FERMT1: variants seen among roughly 807,000 people sequenced by gnomAD.
FERMT1 encodes FERM domain containing kindlin 1.
FERMT1 carries 60 observed loss-of-function variants against 85.3 expected under a neutral mutation model. That is an observed-to-expected ratio of 0.70 (90% confidence interval 0.57 to 0.87). The LOEUF is 0.87. Among genes scored for constraint, FERMT1 ranks in the 40% least tolerant of loss-of-function variants. The pLI is 0.00. For synonymous variants in FERMT1, 275 were observed against 301.1 expected (o/e 0.91, Z 0.90); for missense variants, 701 against 818.9 (o/e 0.86, Z 1.76).
At chr20:6,079,631 T>C in intron 13 of FERMT1, 54 bp from the exon 14 acceptor site, 2 of 1,501,706 alleles carry the variant, frequency 1.3e-6, no homozygotes, top group Non-Finnish European at 1.9e-6. Flanking sequence ...TATAATACAA[T>C]GTTCACTCAC....
Position 6,084,027 on chromosome 20 carries a change from A to G in FERMT1, c.1718+13T>C, listed in dbSNP as rs1303801891. The G allele has an allele frequency of 6.2e-7, 1 of 1,614,158 alleles. No homozygotes were observed. Among genetic ancestry groups the G allele is most frequent in the Middle Eastern group, 1.6e-4 (1 of 6,062 alleles). ...AATGGAAAGTGTGAGAAACAAGTGAACATTGTAATCACCTGACAAGGTAGT... is the reference window on the plus strand; with the variant it reads ...AATGGAAAGTGTGAGAAACAAGTGAGCATTGTAATCACCTGACAAGGTAGT... On this transcript the variant is annotated intron_variant, in intron 13 of 14. Coordinates refer to ENST00000217289, the MANE Select transcript of FERMT1 (RefSeq NM_017671.5).
At chr20:6,100,593 G>A (rs954406483) in intron 6 of FERMT1, among the ~76,000 whole-genome samples, 1 of 152,260 alleles carries the variant, frequency 6.6e-6, no homozygotes, top group South Asian at 2.1e-4. Context: ...ACAGGTAAAT[G>A]TATGGCATGT....
intron 8 of FERMT1, among the ~76,000 whole-genome samples, 164 bp from the exon 9 acceptor site, chr20:6,095,152 G>A (rs993003129): frequency 5.3e-5 from 8 of 152,174 alleles, no homozygotes; most frequent in Non-Finnish European, 1.2e-4. Context: ...GTTTACACTC[G>A]CTACATTTCT....
chr20:6,108,470 G>A (rs1462253541), intron 5 of FERMT1, among the ~76,000 whole-genome samples: 1 of 152,012 alleles, frequency 6.6e-6, no homozygotes, highest in East Asian at 1.9e-4. Context: ...TCTCAGCTTT[G>A]TAGACAAAGA....
Position 6,119,720 on chromosome 20 carries a change from T to C in FERMT1, c.-18-148A>G, listed in dbSNP as rs2273421. 53,207 of 644,222 alleles carry C rather than the reference T, an allele frequency of 0.083. 5,922 individuals carry two copies. Among genetic ancestry groups the C allele is most frequent in the East Asian group, 0.48 (17,441 of 35,986 alleles). 39.9% of individuals were successfully genotyped at this position (644,222 alleles called of 1,614,324 possible). A position where few individuals can be genotyped will look rare whatever the true frequency, so the allele number is the denominator to read the frequency against. The stretch of plus-strand genomic sequence containing the variant: ...TCTGCAAGGTTCCAGGTGCTCCAGA[T>C]ATCAAATTTGGCATCTTAACTTTGA... On this transcript the variant is annotated intron_variant, in intron 1 of 14. Transcript: ENST00000217289.
At chr20:6,083,701 AAAAAC>A (rs1470151817) in intron 13 of FERMT1, among the ~76,000 whole-genome samples, 15 of 149,968 alleles carry the variant, frequency 1.0e-4, no homozygotes, top group Non-Finnish European at 2.1e-4. Context: ...CTTAAAAAAA[AAAAAC>A]AAAAAAAAAA....
At chr20:6,077,959 C>T (rs542383889) in intron 14 of FERMT1, among the ~76,000 whole-genome samples, 35 of 152,070 alleles carry the variant, frequency 2.3e-4, no homozygotes, top group African/African-American at 8.2e-4. Flanking sequence ...GGATTATAGG[C>T]GTGAGCCACT....
At chr20:6,088,913 C>T (rs1016919683) in intron 10 of FERMT1, 52 bp downstream of exon 10, 43 of 1,581,564 alleles carry the variant, frequency 2.7e-5, no homozygotes, top group South Asian at 1.2e-4. Flanking sequence ...TTTGAGCCAC[C>T]GCGTCTGCCC....
chr20:6,088,449 G>A (rs922575536), intron 10 of FERMT1, among the ~76,000 whole-genome samples: 3 of 152,118 alleles, frequency 2.0e-5, no homozygotes, highest in Non-Finnish European at 4.4e-5. Flanking sequence ...TGAGAAAGAT[G>A]GAACAGCAGA....
rs1016446757 is a variant in FERMT1, at chr20:6,087,950, A to G, written c.1265-67T>C. On this transcript the variant is annotated intron_variant, in intron 10 of 14. Transcript: ENST00000217289. Reference sequence around the variant, plus strand: ...TCTGTTAGATAAACATCAGGTGTGTATCTGAAATAAAGACTTTGAATACAA... The same window carrying G: ...TCTGTTAGATAAACATCAGGTGTGTGTCTGAAATAAAGACTTTGAATACAA... The G allele has an allele frequency of 5.5e-6, 5 of 911,474 alleles. No individual in the cohort carries two copies. The East Asian group carries it at 1.2e-4, about 22-fold the overall frequency. The allele number at this position is 911,474 out of a possible 1,614,324, so 56.5% of individuals were successfully genotyped here.
At chr20:6,082,123 C>G (rs897944296) in intron 13 of FERMT1, among the ~76,000 whole-genome samples, 2 of 152,224 alleles carry the variant, frequency 1.3e-5, no homozygotes, top group Non-Finnish European at 2.9e-5. Context: ...ATCTTCGCTA[C>G]ACCTGGGCCC....
At chr20:6,077,604 T>C (rs187181624) in intron 14 of FERMT1, among the ~76,000 whole-genome samples, 37 of 152,342 alleles carry the variant, frequency 2.4e-4, no homozygotes, top group African/African-American at 8.9e-4. Context: ...GTCTACAGTT[T>C]AGATACAAGG....
At chr20:6,112,257 C>G (rs572634607) in intron 4 of FERMT1, among the ~76,000 whole-genome samples, 68 of 152,240 alleles carry the variant, frequency 4.5e-4, no homozygotes, top group African/African-American at 1.6e-3. Context: ...TTGGCAACAT[C>G]AGATATACAA....
In FERMT1 at chr20:6,107,597, T is replaced by C. The variant is rs753458351; in HGVS notation, c.784A>G (p.Ile262Val). ...AAGAGCAGCTGCTCATCCTCTTGGA[T>C]GCCTTGTTCCATAAGGGAGCGTGAG... Reference protein sequence around the residue: ...DSSRSLMEQGIQEDEQLLLRF... With the variant: ...DSSRSLMEQGVQEDEQLLLRF... The change falls in exon 6 of 15, where the codon ATC becomes GTC. Residue 262 changes from isoleucine (I) to valine (V), a missense_variant. Ile to Val is a conservative substitution (Grantham distance 29, BLOSUM62 3). Transcript: ENST00000217289. The C allele has an allele frequency of 5.0e-6, 8 of 1,613,070 alleles. No individual in the cohort carries two copies. Among genetic ancestry groups the C allele is most frequent in the Non-Finnish European group, 6.8e-6 (8 of 1,179,188 alleles).
intron 1 of FERMT1, among the ~76,000 whole-genome samples, chr20:6,122,152 C>T (rs1983293498): frequency 6.6e-6 from 1 of 152,124 alleles, no homozygotes; most frequent in Non-Finnish European, 1.5e-5. Flanking sequence ...GATGCTGATT[C>T]CCCTTACAAC....
At chr20:6,078,635 T>G (rs1025695177) in intron 14 of FERMT1, among the ~76,000 whole-genome samples, 2 of 138,870 alleles carry the variant, frequency 1.4e-5, no homozygotes, top group Non-Finnish European at 3.1e-5. Flanking sequence ...AGTTCAGCGT[T>G]TTTTTTTTTT....
chr20:6,094,393 A>T (rs1600434491), intron 9 of FERMT1, among the ~76,000 whole-genome samples: 1 of 152,248 alleles, frequency 6.6e-6, no homozygotes, highest in Non-Finnish European at 1.5e-5. Context: ...GGAGGAGTTT[A>T]TCAGAAGTAC....
intron 9 of FERMT1, among the ~76,000 whole-genome samples, chr20:6,091,230 T>TC (rs1230519455): frequency 1.1e-4 from 17 of 151,738 alleles, no homozygotes; most frequent in African/African-American, 3.9e-4. Context: ...GACAGTTCTT[T>TC]TTTTTGTTTT....
rs958413712 is a variant in FERMT1, at chr20:6,095,094, A to G, written c.1090-106T>C. On this transcript the variant is annotated intron_variant, in intron 8 of 14. Coordinates refer to ENST00000217289, the MANE Select transcript of FERMT1 (RefSeq NM_017671.5). The stretch of plus-strand genomic sequence containing the variant: ...AGTCCCTTGCTATATGTGCCTATTT[A>G]AATTTGAATTAATTCAAATTAAATA... The G allele has an allele frequency of 5.1e-4, 366 of 711,606 alleles. 3 individuals carry two copies. The highest frequency in any genetic ancestry group is 9.5e-5 in the Non-Finnish European group (37 of 387,940). The allele number at this position is 711,606 out of a possible 1,614,324, so 44.1% of individuals were successfully genotyped here.
Sources: gnomAD v4.1 joint callset for allele counts (sites outside exome capture counted in the v4.1 genomes callset) on GRCh38, gnomAD v4.1.1 for gene constraint, MANE v1.5 for transcripts, NCBI Gene and HGNC (gene_info 2026-07-23, HGNC 2026-07-21) for gene names.